SNTG2: variants seen among roughly 807,000 people sequenced by gnomAD.
The protein encoded by SNTG2 is gamma-2-syntrophin.
In SNTG2, 74 loss-of-function variants were observed where a neutral mutation model predicts 70.9. That is an observed-to-expected ratio of 1.04 (90% CI 0.86 to 1.27). The LOEUF (loss-of-function observed/expected upper bound fraction) is 1.27. Ranked by LOEUF, SNTG2 falls within the 50% of genes most tolerant of loss-of-function variation. The pLI, the probability that SNTG2 is intolerant of heterozygous loss-of-function variation, is 0.00. For missense variants in SNTG2, 717 were observed against 690.7 expected (o/e 1.04, Z -0.43); for synonymous variants, 278 against 273.8 (o/e 1.02, Z -0.15).
Position 1,137,795 on chromosome 2 carries a change from A to G in SNTG2, c.397A>G (p.Thr133Ala). The G allele has an allele frequency of 6.2e-7, 1 of 1,612,964 alleles. No individual in the cohort carries two copies. The highest frequency in any genetic ancestry group is 2.2e-5 in the East Asian group (1 of 44,878). ...TAATGGCATACATGTAGAAAATGCA[A>G]CTCATGAAGAAGTGGTAAGTGAATT... ...QVNGIHVENATHEEVVHLLRN... is the reference protein window; with the variant it reads ...QVNGIHVENAAHEEVVHLLRN... Residue 133 changes from threonine to alanine, a missense_variant, in exon 6 of 17, where the codon ACT becomes GCT. Thr to Ala is a moderately conservative substitution (Grantham distance 58). Coordinates refer to ENST00000308624, the MANE Select transcript of SNTG2 (RefSeq NM_018968.4).
intron 1 of SNTG2, among the ~76,000 whole-genome samples, chr2:1,048,779 C>A (rs1466279760): frequency 6.6e-6 from 1 of 152,162 alleles, no homozygotes; most frequent in Non-Finnish European, 1.5e-5. Flanking sequence ...CCATCATAAA[C>A]CCAGCAACTG....
intron 16 of SNTG2, among the ~76,000 whole-genome samples, chr2:1,354,658 A>ACC (rs1660747747): frequency 9.6e-5 from 3 of 31,172 alleles, no homozygotes; most frequent in Non-Finnish European, 1.9e-4. Context: ...GTACGTTTCC[A>ACC]TGGGGGAAGT....
intron 4 of SNTG2, among the ~76,000 whole-genome samples, chr2:1,104,427 G>A (rs2148229584): frequency 6.6e-6 from 1 of 152,278 alleles, no homozygotes; most frequent in South Asian, 2.1e-4. Flanking sequence ...AGTGATACGA[G>A]ATTTGATTAA....
At chr2:1,068,493 A>G (rs1663305094) in intron 1 of SNTG2, among the ~76,000 whole-genome samples, 1 of 152,164 alleles carries the variant, frequency 6.6e-6, no homozygotes, top group South Asian at 2.1e-4. Context: ...TCATGGCATG[A>G]TATTTCCCTA....
chr2:1,181,841 G>T (rs1439070546), intron 8 of SNTG2, among the ~76,000 whole-genome samples: 1 of 152,120 alleles, frequency 6.6e-6, no homozygotes, highest in Non-Finnish European at 1.5e-5. Context: ...CGTAGTTTAA[G>T]ATTCTAAGTT....
intron 9 of SNTG2, among the ~76,000 whole-genome samples, chr2:1,215,920 T>G (rs188430697): frequency 1.1e-4 from 17 of 152,328 alleles, no homozygotes; most frequent in African/African-American, 3.4e-4. Flanking sequence ...TTTCATGGTG[T>G]ATATGTGCCA....
chr2:1,103,379 C>CT (rs758261408), intron 4 of SNTG2: 35,268 of 245,184 alleles, frequency 0.14, 1,961 homozygotes, highest in African/African-American at 0.18. Flanking sequence ...TTATAAATTT[C>CT]TTTTTTTTTT....
chr2:1,109,845 C>G (rs1467242860), intron 4 of SNTG2, among the ~76,000 whole-genome samples: 2 of 152,142 alleles, frequency 1.3e-5, no homozygotes, highest in African/African-American at 2.4e-5. Flanking sequence ...TTAGAAAATA[C>G]TCAGAAAATT....
At chr2:1,221,417 T>C (rs1674797658) in intron 9 of SNTG2, among the ~76,000 whole-genome samples, 1 of 137,206 alleles carries the variant, frequency 7.3e-6, no homozygotes, top group Non-Finnish European at 1.6e-5. Flanking sequence ...CAGTCTCTGG[T>C]TTTGTCTCTG....
At chr2:951,160 C>T (rs1659944138) in intron 1 of SNTG2, 92 bp downstream of exon 1, 2 of 569,882 alleles carry the variant, frequency 3.5e-6, no homozygotes, top group African/African-American at 1.9e-5. Flanking sequence ...CTCCACGCCC[C>T]CTCGCTCCCC....
intron 8 of SNTG2, among the ~76,000 whole-genome samples, chr2:1,174,693 A>G (rs969300081): frequency 9.8e-5 from 15 of 152,322 alleles, no homozygotes; most frequent in African/African-American, 3.4e-4. Flanking sequence ...CTCCAGTGCT[A>G]GGTAATTTTT....
chr2:1,328,516 TAGA>T (rs972929553), intron 16 of SNTG2, among the ~76,000 whole-genome samples: 1 of 152,154 alleles, frequency 6.6e-6, no homozygotes, highest in Non-Finnish European at 1.5e-5. Context: ...TTAGGGCTGT[TAGA>T]AGATTTTTTT....
At chr2:1,006,201 A>G (rs1442452731) in intron 1 of SNTG2, among the ~76,000 whole-genome samples, 1 of 150,794 alleles carries the variant, frequency 6.6e-6, no homozygotes, top group Non-Finnish European at 1.5e-5. Flanking sequence ...TGGGAGATAT[A>G]CCTAATGCTA....
rs1572945671 is a variant in SNTG2 at position 1,301,723 on chromosome 2, A to G, written c.1285-6771A>G. 3.3e-5 allele frequency among the ~76,000 whole-genome samples: 5 copies of G among 152,330 alleles called. 1 individual carries two copies. In the South Asian group the frequency reaches 1.0e-3, roughly 32 times the overall value. Reference sequence around the variant, plus strand: ...TGCTGAAAGAAAAGAATTGGCACACAGAAGACTTTATCCACTTGAAAATAT... The same window carrying G: ...TGCTGAAAGAAAAGAATTGGCACACGGAAGACTTTATCCACTTGAAAATAT... On this transcript the variant is annotated intron_variant, in intron 14 of 16. Transcript: ENST00000308624.
chr2:1,077,677 A>ACATCCCC (rs1200234018), intron 1 of SNTG2, among the ~76,000 whole-genome samples: 1 of 152,170 alleles, frequency 6.6e-6, no homozygotes, highest in Non-Finnish European at 1.5e-5. Flanking sequence ...ATGCTTACAC[A>ACATCCCC]CATCCCCGCA....
At chr2:1,162,819 G>A (rs1210439718) in intron 6 of SNTG2, among the ~76,000 whole-genome samples, 1 of 152,206 alleles carries the variant, frequency 6.6e-6, no homozygotes, top group African/African-American at 2.4e-5. Flanking sequence ...TAGTGGTTAA[G>A]CTTTGACACT....
chr2:982,877 A>G (rs918408305), intron 1 of SNTG2, among the ~76,000 whole-genome samples: 1 of 152,136 alleles, frequency 6.6e-6, no homozygotes, highest in Non-Finnish European at 1.5e-5. Context: ...GTGAGACACT[A>G]AAACCCCATC....
chr2:1,082,092 A>T lies in SNTG2; in HGVS notation c.73-1426A>T, dbSNP rs908279889. On this transcript the variant is annotated intron_variant, in intron 1 of 16. Coordinates refer to ENST00000308624, the MANE Select transcript of SNTG2 (RefSeq NM_018968.4). Reference sequence around the variant, plus strand: ...CAGCTGAGGATGTTGGGAGGAGCAGATTCTGGCTTGGTTGGCAGCTTCCCT... The same window carrying T: ...CAGCTGAGGATGTTGGGAGGAGCAGTTTCTGGCTTGGTTGGCAGCTTCCCT... 8.5e-5 allele frequency among the ~76,000 whole-genome samples: 13 copies of T among 152,114 alleles called. 1 individual carries two copies. Among genetic ancestry groups the T allele is most frequent in the Admixed American group, 3.3e-4 (5 of 15,286 alleles).
rs115436456 is a variant in SNTG2, at chr2:1,301,330, T to C, written c.1285-7164T>C. Among the ~76,000 whole-genome samples, 917 of 152,274 alleles carry C rather than the reference T, an allele frequency of 6.0e-3. 9 individuals carry two copies. Among genetic ancestry groups the C allele is most frequent in the African/African-American group, 0.021 (856 of 41,548 alleles). On this transcript the variant is annotated intron_variant, in intron 14 of 16. Coordinates refer to ENST00000308624, the MANE Select transcript of SNTG2 (RefSeq NM_018968.4). The stretch of plus-strand genomic sequence containing the variant: ...TCAGCTGCCGTCTGCACCCATGCCA[T>C]GCTGTCCTCCAGGGGGACCTGCAGG...
Sources: allele counts gnomAD v4.1 joint callset (sites outside exome capture counted in the v4.1 genomes callset), GRCh38; gene constraint gnomAD v4.1.1; transcripts MANE v1.5; gene names NCBI Gene and HGNC (gene_info 2026-07-23, HGNC 2026-07-21).